Variants in HEXB observed in about 807,000 individuals in gnomAD.
HEXB encodes the protein beta-hexosaminidase subunit beta.
In HEXB, 51 loss-of-function variants were observed where a neutral mutation model predicts 71.2. The observed-to-expected ratio is 0.72, with a 90% CI of 0.57 to 0.90. The LOEUF is 0.90. Ranked by LOEUF, HEXB falls within the 40% of genes least tolerant of loss-of-function variation. HEXB has a pLI of 0.00. For synonymous variants in HEXB, 266 were observed against 249.3 expected (o/e 1.07, Z -0.63); for missense variants, 617 against 677.0 (o/e 0.91, Z 0.98).
In HEXB at chr5:74,716,569, A is replaced by G. The variant is rs1460463839; in HGVS notation, c.1083-18A>G. ...CATATCAAACTTCTAATGAAATTTT[A>G]ATCACTTTTTGCTTCAGGGAATCAA... On this transcript the variant is annotated intron_variant, in intron 8 of 13. Transcript: ENST00000261416. 6.6e-7 allele frequency: 1 copy of G among 1,506,334 alleles called. No individual in the cohort carries two copies. The allele number at this position is 1,506,334 out of a possible 1,614,324, so 93.3% of individuals were successfully genotyped here. A position where few individuals can be genotyped will look rare whatever the true frequency, so the allele number is the denominator to read the frequency against.
chr5:74,682,584 ATAGC>A (rs1748759690), upstream of HEXB, among the ~76,000 whole-genome samples: 1 of 152,270 alleles, frequency 6.6e-6, no homozygotes, highest in Admixed American at 6.5e-5. Context: ...ACAGCAATAG[ATAGC>A]TAGTATGCAA....
upstream of HEXB, chr5:74,685,183 C>T (rs947840155): frequency 5.0e-6 from 7 of 1,399,294 alleles, no homozygotes; most frequent in East Asian, 5.7e-5. Context: ...GGCCGCGCTT[C>T]CTCTGATCCG....
chr5:74,640,867 A>G, intron 1 of HEXB: 2 of 153,082 alleles, frequency 1.3e-5, no homozygotes, highest in Non-Finnish European at 2.9e-5. Flanking sequence ...GAGGAGAAGG[A>G]GTGGGAGGAG....
At chr5:74,672,843 T>C (rs1580370926) in intron 1 of HEXB, among the ~76,000 whole-genome samples, 1 of 152,182 alleles carries the variant, frequency 6.6e-6, no homozygotes, top group Non-Finnish European at 1.5e-5. Flanking sequence ...GGAAGGAAGG[T>C]TAAGAAGGAC....
chr5:74,678,345 T>C (rs901167773), intron 1 of HEXB, among the ~76,000 whole-genome samples: 1 of 150,144 alleles, frequency 6.7e-6, no homozygotes, highest in Non-Finnish European at 1.5e-5. Context: ...ATAAATACCA[T>C]GCAATATTGA....
chr5:74,703,268 T>C (rs1749304978), intron 5 of HEXB, among the ~76,000 whole-genome samples: 1 of 152,236 alleles, frequency 6.6e-6, no homozygotes, highest in Non-Finnish European at 1.5e-5. Flanking sequence ...CCTTGTTTAA[T>C]AGTCAAATTA....
At chr5:74,676,734 C>G (rs1362363518) in intron 1 of HEXB, among the ~76,000 whole-genome samples, 1 of 152,058 alleles carries the variant, frequency 6.6e-6, no homozygotes, top group Admixed American at 6.5e-5. Context: ...CCACTTCACT[C>G]CAGCCTTCAT....
At chr5:74,674,268 G>A (rs999290124) in intron 1 of HEXB, among the ~76,000 whole-genome samples, 1 of 152,178 alleles carries the variant, frequency 6.6e-6, no homozygotes, top group Admixed American at 6.5e-5. Flanking sequence ...CAAAGGGGAA[G>A]TTAAATCTAT....
chr5:74,713,378 A>T (rs575758615), intron 6 of HEXB, 128 bp from the exon 7 acceptor site: 3 of 859,462 alleles, frequency 3.5e-6, no homozygotes, highest in African/African-American at 3.3e-5. Context: ...CTAATATCAC[A>T]TGAAACTAAT....
intron 11 of HEXB, 63 bp from the exon 12 acceptor site, chr5:74,720,365 T>G: frequency 8.4e-7 from 1 of 1,195,318 alleles, no homozygotes; most frequent in South Asian, 1.2e-5. Context: ...CAAATCTTGA[T>G]GAAATATTGC....
chr5:74,646,096 G>A (rs528569020), intron 1 of HEXB, among the ~76,000 whole-genome samples: 2 of 152,118 alleles, frequency 1.3e-5, no homozygotes, highest in South Asian at 4.2e-4. Context: ...TGTAGTATGG[G>A]ATAGTAACAG....
intron 2 of HEXB, among the ~76,000 whole-genome samples, chr5:74,690,460 G>A (rs1419661604): frequency 6.9e-6 from 1 of 143,976 alleles, no homozygotes; most frequent in Non-Finnish European, 1.5e-5. Context: ...GACCAGCCTG[G>A]CCAATATGCT....
intron 6 of HEXB, among the ~76,000 whole-genome samples, chr5:74,707,084 T>C (rs1232958878): frequency 6.6e-6 from 1 of 152,194 alleles, no homozygotes; most frequent in Non-Finnish European, 1.5e-5. Context: ...GGTATTCCTC[T>C]GAGACAAAAC....
intron 1 of HEXB, among the ~76,000 whole-genome samples, chr5:74,672,089 T>C (rs148655425): frequency 2.6e-5 from 4 of 152,330 alleles, no homozygotes; most frequent in Non-Finnish European, 2.9e-5. Flanking sequence ...TATCCCGATA[T>C]ATGTGATGCT....
intron 13 of HEXB, 33 bp from the exon 14 acceptor site, chr5:74,721,085 A>AATCT: frequency 6.6e-7 from 1 of 1,510,596 alleles, no homozygotes; most frequent in Non-Finnish European, 9.2e-7. Flanking sequence ...AATCTAAATC[A>AATCT]ATCTAAAATA....
At chr5:74,682,523 T>C (rs758663863), upstream of HEXB, among the ~76,000 whole-genome samples, 1 of 152,254 alleles carries the variant, frequency 6.6e-6, no homozygotes, top group Non-Finnish European at 1.5e-5. Flanking sequence ...ATTTATCTTA[T>C]TATTTATCTG....
At chr5:74,664,430 TAAAAAAAAA>T (rs397998152) in intron 1 of HEXB, among the ~76,000 whole-genome samples, 71 of 79,668 alleles carry the variant, frequency 8.9e-4, no homozygotes, top group African/African-American at 3.2e-3. Flanking sequence ...ATTCTATCTC[TAAAAAAAAA>T]AAAAAAAAAA....
intron 2 of HEXB, 139 bp from the exon 3 acceptor site, chr5:74,693,500 A>G (rs1013430376): frequency 4.6e-5 from 33 of 720,712 alleles, no homozygotes; most frequent in African/African-American, 4.2e-4. Flanking sequence ...GGAGATGTAC[A>G]GGAGGCAGTT....
intron 13 of HEXB, 78 bp from the exon 14 acceptor site, chr5:74,721,040 G>A: frequency 8.6e-7 from 1 of 1,163,828 alleles, no homozygotes; most frequent in South Asian, 1.3e-5. Context: ...AAGATGACAT[G>A]AATATCAATC....
Sources: gnomAD v4.1 joint callset for allele counts (sites outside exome capture counted in the v4.1 genomes callset) on GRCh38, gnomAD v4.1.1 for gene constraint, MANE v1.5 for transcripts, NCBI Gene and HGNC (gene_info 2026-07-23, HGNC 2026-07-21) for gene names.